Variants in ADGRL2 observed in about 807,000 individuals in gnomAD.
ADGRL2 encodes the protein calcium-independent alpha-latrotoxin receptor 2.
In ADGRL2, 44 loss-of-function variants were observed where a neutral mutation model predicts 157.4. The ratio of observed to expected loss-of-function variants is 0.28; its 90% CI spans 0.22 to 0.36. The LOEUF (loss-of-function observed/expected upper bound fraction) is 0.36. ADGRL2 is among the 10% of genes least tolerant of loss of function. The probability of loss-of-function intolerance (pLI) is 1.00; values close to 1 mark genes in which losing one functional copy is unlikely to be tolerated. For missense variants in ADGRL2, 1,510 were observed against 1,768.9 expected, an observed-to-expected ratio of 0.85 and a Z score of 2.63; for synonymous variants, 585 against 624.7, an observed-to-expected ratio of 0.94 and a Z score of 0.95.
chr1:81,775,079 G>A (rs565727970), intron 2 of ADGRL2, among the ~76,000 whole-genome samples: 5 of 152,266 alleles, frequency 3.3e-5, no homozygotes, highest in East Asian at 1.9e-4. Flanking sequence ...TATAAATTGT[G>A]TGGTAAGACC....
At chr1:81,450,243 A>G (rs1287350115) in intron 2 of ADGRL2, among the ~76,000 whole-genome samples, 1 of 152,156 alleles carries the variant, frequency 6.6e-6, no homozygotes, top group African/African-American at 2.4e-5. Flanking sequence ...CAGAAGGAAA[A>G]CCAAAATTTG....
intron 2 of ADGRL2, among the ~76,000 whole-genome samples, chr1:81,542,650 G>T (rs1030132357): frequency 6.6e-6 from 1 of 152,154 alleles, no homozygotes; most frequent in African/African-American, 2.4e-5. Context: ...ACTGTGGGAA[G>T]AGGGCATAAA....
chr1:81,854,275 C>T (rs2093124506), intron 2 of ADGRL2, among the ~76,000 whole-genome samples: 1 of 152,142 alleles, frequency 6.6e-6, no homozygotes, highest in South Asian at 2.1e-4. Flanking sequence ...ATCCTGTCAG[C>T]TTTGATTTAG....
Position 81,969,188 on chromosome 1 carries a change from G to A in ADGRL2, c.2534G>A (p.Gly845Asp). Reference sequence around the variant, plus strand: ...TCTTTTTATTTTCAGTATAAAGATGGCGTTCATGAATTACTTCTTACAGTC... The same window carrying A: ...TCTTTTTATTTTCAGTATAAAGATGACGTTCATGAATTACTTCTTACAGTC... ...MAHREIAYKD[G>D]VHELLLTVIT... is the part of the protein sequence containing the mutation. Residue 845 changes from glycine to aspartate, a missense_variant, in exon 15 of 24, where the codon GGC becomes GAC. This residue lies in a region of ADGRL2 where 497 missense variants were observed against 627.2 expected (regional missense o/e 0.79). Coordinates refer to ENST00000686636, the MANE Select transcript of ADGRL2 (RefSeq NM_001366006.2). The A allele has an allele frequency of 6.2e-7, 1 of 1,611,976 alleles. No homozygotes were observed. Among genetic ancestry groups the A allele is most frequent in the Non-Finnish European group, 8.5e-7 (1 of 1,178,288 alleles).
At chr1:81,883,806 ATT>A (rs1312518411) in intron 2 of ADGRL2, among the ~76,000 whole-genome samples, 24 of 151,862 alleles carry the variant, frequency 1.6e-4, no homozygotes, top group African/African-American at 5.3e-4. Flanking sequence ...GATTTTTGTA[ATT>A]ATTACTGTCT....
intron 2 of ADGRL2, chr1:81,501,785 C>T: frequency 6.3e-7 from 1 of 1,591,746 alleles, no homozygotes; most frequent in Admixed American, 1.7e-5. Flanking sequence ...GCCACTTCAG[C>T]AGCAGCAGCA....
At chr1:81,933,039 G>C (rs1287690847) in intron 3 of ADGRL2, among the ~76,000 whole-genome samples, 2 of 152,000 alleles carry the variant, frequency 1.3e-5, no homozygotes, top group Non-Finnish European at 2.9e-5. Context: ...AGCTGATAGT[G>C]GTGCTGTTGG....
chr1:81,564,469 C>T (rs1296855271), intron 2 of ADGRL2, among the ~76,000 whole-genome samples: 1 of 152,120 alleles, frequency 6.6e-6, no homozygotes, highest in East Asian at 1.9e-4. Flanking sequence ...GACTAACGGT[C>T]TCATTTTCTC....
intron 2 of ADGRL2, among the ~76,000 whole-genome samples, chr1:81,500,698 T>C (rs574608196): frequency 5.9e-5 from 9 of 152,176 alleles, no homozygotes; most frequent in Non-Finnish European, 7.4e-5. Context: ...TTTCAGTTGG[T>C]ATGATGAAAC....
intron 1 of ADGRL2, among the ~76,000 whole-genome samples, chr1:81,821,623 A>G (rs907520050): frequency 6.6e-6 from 1 of 152,196 alleles, no homozygotes; most frequent in African/African-American, 2.4e-5. Context: ...GGTTTAATTT[A>G]AAGTAGAAAT....
chr1:81,321,883 A>T lies in ADGRL2; in HGVS notation c.-302+15374A>T, dbSNP rs1300802988. ...CTTGCTGGACCAAAGTTTGCCACAA[A>T]CCTTCAGTTTGTAAAAAAACACAGT... On this transcript the variant is annotated intron_variant, in intron 1 of 24. Transcript: ENST00000370721. Among the ~76,000 whole-genome samples, 3 of 151,928 alleles carry T rather than the reference A, an allele frequency of 2.0e-5. No individual in the cohort carries two copies. In the East Asian group the frequency reaches 5.8e-4, roughly 29 times the overall value.
At chr1:81,673,435 T>C (rs1325319945) in intron 3 of ADGRL2, among the ~76,000 whole-genome samples, 1 of 152,078 alleles carries the variant, frequency 6.6e-6, no homozygotes, top group African/African-American at 2.4e-5. Context: ...GCTAATATGG[T>C]TTGTGTATAT....
intron 2 of ADGRL2, among the ~76,000 whole-genome samples, chr1:81,517,491 G>GAAA (rs1383583561): frequency 2.3e-4 from 32 of 141,826 alleles, no homozygotes; most frequent in African/African-American, 7.0e-4. Context: ...AAAAAAAAAG[G>GAAA]ATGTCAAAAC....
intron 1 of ADGRL2, among the ~76,000 whole-genome samples, chr1:81,385,681 G>GA (rs2076423043): frequency 6.6e-6 from 1 of 151,644 alleles, no homozygotes; most frequent in East Asian, 1.9e-4. Flanking sequence ...TCATTTAGGA[G>GA]AAAAAATTTT....
chr1:81,487,479 T>G (rs1489091104), intron 2 of ADGRL2, among the ~76,000 whole-genome samples: 1 of 152,092 alleles, frequency 6.6e-6, no homozygotes, highest in Non-Finnish European at 1.5e-5. Context: ...ACCACGTCTC[T>G]ACTAAAAATA....
intron 2 of ADGRL2, among the ~76,000 whole-genome samples, chr1:81,780,560 C>G (rs568309239): frequency 6.6e-6 from 1 of 152,274 alleles, no homozygotes; most frequent in East Asian, 1.9e-4. Context: ...AGATAGGGTT[C>G]TTTTCCTTAG....
chr1:81,557,482 G>GAAAAGAAAGAAAGA (rs370696204), intron 2 of ADGRL2: 1 of 119,968 alleles, frequency 8.3e-6, no homozygotes, highest in African/African-American at 3.1e-5. Flanking sequence ...AAGAAAGAAA[G>GAAAAGAAAGAAAGA]AAGAAAGAAA....
intron 13 of ADGRL2, among the ~76,000 whole-genome samples, chr1:81,967,488 T>C (rs376132555): frequency 2.0e-4 from 30 of 152,074 alleles, no homozygotes; most frequent in South Asian, 8.3e-4. Context: ...GTCTCGATCT[T>C]CTGACCTTGT....
chr1:81,441,874 G>C (rs1488206879), intron 1 of ADGRL2, among the ~76,000 whole-genome samples: 4 of 151,890 alleles, frequency 2.6e-5, no homozygotes, highest in Non-Finnish European at 5.9e-5. Context: ...GGGTCTCACT[G>C]TGCTGCCCAG....
Sources: gnomAD v4.1 joint callset for allele counts (sites outside exome capture counted in the v4.1 genomes callset) on GRCh38, gnomAD v4.1.1 for gene constraint, gnomAD v4.1.1 regional missense constraint, MANE v1.5 for transcripts, NCBI Gene and HGNC (gene_info 2026-07-23, HGNC 2026-07-21) for gene names.